AKAP12: variants seen among roughly 807,000 people sequenced by gnomAD.
The protein encoded by AKAP12 is A-kinase anchoring protein 12, also known as A-kinase anchor protein 12.
AKAP12 carries 32 observed loss-of-function variants against 79.9 expected under a neutral mutation model. The observed-to-expected ratio is 0.40, with a 90% CI of 0.30 to 0.54. AKAP12 has a LOEUF of 0.54. Among genes scored for constraint, AKAP12 ranks in the 20% least tolerant of loss-of-function variants. AKAP12 has a pLI of 0.48. For missense variants in AKAP12, 2,074 were observed against 2,177.0 expected (o/e 0.95, Z 0.94); for synonymous variants, 808 against 857.0 (o/e 0.94, Z 1.00).
intron 4 of AKAP12, among the ~76,000 whole-genome samples, chr6:151,355,141 AAC>A (rs1778410086): frequency 6.7e-6 from 1 of 149,518 alleles, no homozygotes; most frequent in South Asian, 2.1e-4. Flanking sequence ...GATTACAGAT[AAC>A]ACACCACCAT....
In AKAP12 at chr6:151,352,438, G is replaced by A; in HGVS notation, c.4047G>A (p.Glu1349=). 6.2e-7 allele frequency: 1 copy of A among 1,614,192 alleles called. No homozygotes were observed. Among genetic ancestry groups the A allele is most frequent in the Non-Finnish European group, 8.5e-7 (1 of 1,180,034 alleles). ...TCGAAAGGGAGAAAACAGAAGCAGA[G>A]CCAACCCATGTGAATGAAGAGAAGC... ...VQVEREKTEA[E]PTHVNEEKLE... is the part of the protein sequence containing the mutation. The change falls in exon 4 of 5, where the codon GAG becomes GAA. Residue 1349 remains glutamate, a synonymous_variant. Coordinates refer to ENST00000402676, the MANE Select transcript of AKAP12 (RefSeq NM_005100.4).
intron 2 of AKAP12, among the ~76,000 whole-genome samples, chr6:151,287,784 G>A (rs1776535023): frequency 1.3e-5 from 2 of 152,072 alleles, no homozygotes; most frequent in South Asian, 2.1e-4. Flanking sequence ...TTGCAGCACT[G>A]TTCACAATAG....
At chr6:151,254,204 C>G (rs910878450) in intron 2 of AKAP12, among the ~76,000 whole-genome samples, 3 of 145,296 alleles carry the variant, frequency 2.1e-5, no homozygotes, top group Non-Finnish European at 4.5e-5. Context: ...ATTCCACTGA[C>G]AAAAGCAGTG....
Position 151,352,425 on chromosome 6 carries a change from A to C in AKAP12, c.4034A>C (p.Lys1345Thr). Residue 1345 changes from lysine (K) to threonine (T), a missense_variant, in exon 4 of 5, where the codon AAA becomes ACA. Physicochemically the swap from Lys to Thr is moderately conservative, Grantham distance 78. Around this residue, in one of 3 missense-constraint regions of AKAP12, gnomAD observed 614 missense variants for 665.6 expected, o/e 0.92. Coordinates refer to ENST00000402676, the MANE Select transcript of AKAP12 (RefSeq NM_005100.4). ...ATGGTAGTTCAAGTCGAAAGGGAGA[A>C]AACAGAAGCAGAGCCAACCCATGTG... ...REMVVQVERE[K>T]TEAEPTHVNE... The C allele has an allele frequency of 6.2e-7, 1 of 1,614,160 alleles. No homozygotes were observed. Among genetic ancestry groups the C allele is most frequent in the Non-Finnish European group, 8.5e-7 (1 of 1,180,020 alleles).
chr6:151,349,556 C>G lies in AKAP12; in HGVS notation c.1165C>G (p.Gln389Glu). ...CTCAGAGGAGCAAGTCAGTGGCTCG[C>G]AGGGACCTTCTGAAGAGAAACCTGC... ...LPSEEQVSGS[Q>E]GPSEEKPAPL... Residue 389 changes from glutamine to glutamate, a missense_variant, in exon 4 of 5, where the codon CAG becomes GAG. Gln to Glu is a conservative substitution (Grantham distance 29). Transcript: ENST00000402676. 2.5e-6 allele frequency: 4 copies of G among 1,611,548 alleles called. No homozygotes were observed. The highest frequency in any genetic ancestry group is 3.4e-6 in the Non-Finnish European group (4 of 1,179,374).
At chr6:151,266,220 AAGTT>A (rs1452042204) in intron 2 of AKAP12, among the ~76,000 whole-genome samples, 3 of 152,324 alleles carry the variant, frequency 2.0e-5, no homozygotes, top group East Asian at 1.9e-4. Context: ...AAAAAGTTAA[AAGTT>A]AGGATAGATA....
At chr6:151,251,611 G>C (rs1484325134) in intron 2 of AKAP12, among the ~76,000 whole-genome samples, 1 of 152,270 alleles carries the variant, frequency 6.6e-6, no homozygotes, top group South Asian at 2.1e-4. Flanking sequence ...TTATCTACTG[G>C]TGTGTAACAA....
intron 3 of AKAP12, among the ~76,000 whole-genome samples, chr6:151,317,195 G>T (rs540524253): frequency 6.6e-6 from 1 of 152,144 alleles, no homozygotes; most frequent in Admixed American, 6.6e-5. Context: ...CCCCTGTGCA[G>T]GAGGCTCTTC....
chr6:151,278,297 G>T (rs1776325887), intron 2 of AKAP12, among the ~76,000 whole-genome samples: 1 of 152,086 alleles, frequency 6.6e-6, no homozygotes, highest in Non-Finnish European at 1.5e-5. Flanking sequence ...CTCACTGCAG[G>T]CTTCGCCTCC....
At chr6:151,329,701 A>G (rs982009928) in intron 3 of AKAP12, among the ~76,000 whole-genome samples, 1 of 152,214 alleles carries the variant, frequency 6.6e-6, no homozygotes, top group Non-Finnish European at 1.5e-5. Context: ...TGGAGACACG[A>G]AATTGATACT....
At chr6:151,254,632 C>T (rs1797255060) in intron 2 of AKAP12, among the ~76,000 whole-genome samples, 2 of 152,138 alleles carry the variant, frequency 1.3e-5, no homozygotes, top group African/African-American at 2.4e-5. Context: ...TGAACCACTG[C>T]GCCTGGCCTT....
At chr6:151,298,059 A>AG (rs3831286) in intron 2 of AKAP12, among the ~76,000 whole-genome samples, 67,804 of 152,032 alleles carry the variant, frequency 0.45, 16,954 homozygotes, top group East Asian at 0.89. Flanking sequence ...ATGAGCTCAG[A>AG]GTAAAGTTCC....
At chr6:151,270,149 T>C (rs2881508) in intron 2 of AKAP12, among the ~76,000 whole-genome samples, 73,042 of 151,952 alleles carry the variant, frequency 0.48, 18,916 homozygotes, top group African/African-American at 0.66. Context: ...CTCCGCCTCC[T>C]GGGTTCAAGT....
rs55685824 is a variant in AKAP12, at chr6:151,312,793, C to CAAAAAAAAAAAAAA, written c.319+6895_319+6908dup. The stretch of plus-strand genomic sequence containing the variant: ...GGCTACAAGAGGGAGACTCTGTCTC[C>CAAAAAAAAAAAAAA]AAAAAAAAAAAAAAAAAAGAATCAT... On this transcript the variant is annotated intron_variant, in intron 3 of 4. Coordinates refer to ENST00000402676, the MANE Select transcript of AKAP12 (RefSeq NM_005100.4). 4.4e-4 allele frequency among the ~76,000 whole-genome samples: 32 copies of CAAAAAAAAAAAAAA among 72,976 alleles called. 1 individual carries two copies. Among genetic ancestry groups the CAAAAAAAAAAAAAA allele is most frequent in the Admixed American group, 9.0e-4 (5 of 5,548 alleles). 47.9% of individuals were successfully genotyped at this position (72,976 alleles called of 152,430 possible).
intron 2 of AKAP12, among the ~76,000 whole-genome samples, chr6:151,296,923 A>G (rs1776741346): frequency 1.3e-5 from 2 of 151,768 alleles, no homozygotes; most frequent in Non-Finnish European, 1.5e-5. Flanking sequence ...GGAATAATCC[A>G]TTTCTGCATT....
Position 151,240,498 on chromosome 6 carries a change from CCT to C in AKAP12, c.-64_-63del. 7.3e-7 allele frequency: 1 copy of C among 1,360,616 alleles called. No individual in the cohort carries two copies. The highest frequency in any genetic ancestry group is 1.7e-5 in the South Asian group (1 of 58,530). The allele number at this position is 1,360,616 out of a possible 1,614,324, so 84.3% of individuals were successfully genotyped here. ...GGGCGCGCGTCTTTTGGCTCTTGCC[CCT>C]GTCCCTGCGGCTTGGGGAAGGCGTA... On this transcript the variant is annotated 5_prime_UTR_variant, in exon 2 of 5. Transcript: ENST00000402676.
chr6:151,305,734 G>T lies in AKAP12; in HGVS notation c.163-13G>T, dbSNP rs775010311. ...ACTGAAATTAAGTTTCTATGGCTTT[G>T]TCTTTTCCATAGCTCCTACAGAAGA... On this transcript the variant is annotated splice_polypyrimidine_tract_variant and intron_variant, in intron 2 of 4. Coordinates refer to ENST00000402676, the MANE Select transcript of AKAP12 (RefSeq NM_005100.4). 3 of 1,601,242 alleles carry T rather than the reference G, an allele frequency of 1.9e-6. No individual in the cohort carries two copies. In the South Asian group the frequency reaches 3.4e-5, roughly 18 times the overall value.
chr6:151,333,157 C>G (rs1255427611), intron 3 of AKAP12, among the ~76,000 whole-genome samples: 2 of 152,058 alleles, frequency 1.3e-5, no homozygotes, highest in Admixed American at 1.3e-4. Flanking sequence ...TTAAAAGAAG[C>G]GCCCTAACGG....
At chr6:151,262,999 GCTGAAGTTAAGTTAAC>G (rs140144056) in intron 2 of AKAP12, among the ~76,000 whole-genome samples, 21,945 of 152,106 alleles carry the variant, frequency 0.14, 2,138 homozygotes, top group Admixed American at 0.31. Flanking sequence ...TAGTTGATTA[GCTGAAGTTAAGTTAAC>G]CTTTGGATTT....
Sources: allele counts gnomAD v4.1 joint callset (sites outside exome capture counted in the v4.1 genomes callset), GRCh38; gene constraint gnomAD v4.1.1; regional missense constraint gnomAD v4.1.1; transcripts MANE v1.5; gene names NCBI Gene and HGNC (gene_info 2026-07-23, HGNC 2026-07-21).